Variants in TRMT9B observed in about 807,000 individuals in gnomAD.
TRMT9B encodes the protein tRNA methyltransferase 9B (putative).
TRMT9B carries 16 observed loss-of-function variants against 11.5 expected under a neutral mutation model. That is an observed-to-expected ratio of 1.39 (90% CI 0.94 to 2.11). The LOEUF is 2.11. Among genes scored for constraint, TRMT9B ranks in the 30% most tolerant of loss-of-function variants. The probability of loss-of-function intolerance (pLI) is 0.00; values close to 1 mark genes in which losing one functional copy is unlikely to be tolerated. For missense variants in TRMT9B, 941 were observed against 553.8 expected, an observed-to-expected ratio of 1.70 and a Z score of -7.02; for synonymous variants, 274 against 192.4, an observed-to-expected ratio of 1.42 and a Z score of -3.51.
intron 1 of TRMT9B, among the ~76,000 whole-genome samples, chr8:12,990,411 C>A (rs112553632): frequency 0.034 from 5,165 of 152,088 alleles, 126 homozygotes; most frequent in Non-Finnish European, 0.052. Flanking sequence ...TGAATAACTA[C>A]GAGTACTTAT....
intron 4 of TRMT9B, among the ~76,000 whole-genome samples, chr8:13,017,474 C>T (rs1812939033): frequency 6.6e-6 from 1 of 152,162 alleles, no homozygotes; most frequent in Admixed American, 6.6e-5. Context: ...AAAAATTCAA[C>T]ATAGTTTCCA....
intron 1 of TRMT9B, chr8:12,969,946 A>C (rs1370190853): frequency 6.6e-6 from 1 of 151,674 alleles, no homozygotes; most frequent in South Asian, 2.1e-4. Flanking sequence ...AGCTTCCCAA[A>C]ATGCTGGAAT....
intron 1 of TRMT9B, among the ~76,000 whole-genome samples, chr8:12,946,330 A>G (rs924087845): frequency 2.0e-5 from 3 of 152,196 alleles, no homozygotes; most frequent in Non-Finnish European, 4.4e-5. Context: ...AAGTAATGGG[A>G]CATAAAGAAC....
intron 2 of TRMT9B, among the ~76,000 whole-genome samples, chr8:12,996,905 C>A (rs1396718831): frequency 6.6e-6 from 1 of 151,798 alleles, no homozygotes; most frequent in African/African-American, 2.4e-5. Flanking sequence ...CTTCTAATGG[C>A]CCACATTTGT....
At position 13,021,825 on chromosome 8, in the gene TRMT9B, T is replaced by C. The variant is rs608909; in HGVS notation, c.1146T>C (p.Val382=). 1,247,710 of 1,613,276 alleles carry C rather than the reference T, an allele frequency of 0.77. 484,713 individuals are homozygous for C. The highest frequency in any genetic ancestry group is 0.8 in the Middle Eastern group (4,832 of 6,062). The part of the protein sequence containing the change: ...ASKILRRISA[V]DSTDFNPDDT... ...AAATATTGAGAAGGATTTCTGCAGTTGATTCCACAGATTTCAACCCAGATG... is the reference window on the plus strand; with the variant it reads ...AAATATTGAGAAGGATTTCTGCAGTCGATTCCACAGATTTCAACCCAGATG... The change falls in exon 5 of 5, where the codon GTT becomes GTC. Residue 382 remains valine (V), a synonymous_variant. Transcript: ENST00000524591.
rs943894069 is a variant in TRMT9B, at chr8:13,015,528, A to AT, written c.328+2679dup. Among the ~76,000 whole-genome samples, 18 of 150,850 alleles carry AT rather than the reference A, an allele frequency of 1.2e-4. No homozygotes were observed. The East Asian group carries it at 2.4e-3, about 20-fold the overall frequency. ...CACCATGCCTGGCTAATTTTTTCTA[A>AT]TTTTTTTTGTAGAGATGGGGTTGCC... On this transcript the variant is annotated intron_variant, in intron 4 of 4. Transcript: ENST00000524591.
chr8:12,976,413 C>A (rs561859276), intron 1 of TRMT9B, among the ~76,000 whole-genome samples: 1 of 150,668 alleles, frequency 6.6e-6, no homozygotes, highest in Non-Finnish European at 1.5e-5. Context: ...TCAGCAGCAA[C>A]GTTGTGTGAG....
chr8:13,000,143 T>C (rs1364419955), intron 2 of TRMT9B, among the ~76,000 whole-genome samples: 3 of 152,202 alleles, frequency 2.0e-5, no homozygotes, highest in African/African-American at 7.2e-5. Context: ...ACAAGGAACA[T>C]TTCATTGCAG....
intron 1 of TRMT9B, chr8:12,952,833 G>C (rs1314258358): frequency 4.6e-6 from 1 of 216,012 alleles, no homozygotes; most frequent in Non-Finnish European, 7.9e-6. Flanking sequence ...TCCGCCTCCC[G>C]GGTTCAAGCA....
intron 1 of TRMT9B, among the ~76,000 whole-genome samples, chr8:12,986,635 A>G (rs1473869674): frequency 6.6e-6 from 1 of 152,180 alleles, no homozygotes; most frequent in Non-Finnish European, 1.5e-5. Flanking sequence ...GAGTTTATAT[A>G]TGGCCATTAC....
At chr8:13,019,669 G>T (rs1813441249) in intron 4 of TRMT9B, among the ~76,000 whole-genome samples, 1 of 152,164 alleles carries the variant, frequency 6.6e-6, no homozygotes, top group African/African-American at 2.4e-5. Flanking sequence ...TCTCAGTCCT[G>T]ACTGCTATAC....
At position 13,027,912 on chromosome 8, in the gene TRMT9B, A is replaced by G. The variant is rs1027012236; in HGVS notation, c.*5868A>G. 1.8e-5 allele frequency: 3 copies of G among 167,114 alleles called. No homozygotes were observed. The South Asian group carries it at 6.2e-4, about 35-fold the overall frequency. 10.4% of individuals were successfully genotyped at this position (167,114 alleles called of 1,614,324 possible). ...TTGATTATTTAATGATTGTTTTGAT[A>G]GTATAAACTCCATATCTGCAACCTC... On this transcript the variant is annotated 3_prime_UTR_variant, in exon 5 of 5. Coordinates refer to ENST00000524591, the MANE Select transcript of TRMT9B (RefSeq NM_020844.3).
intron 2 of TRMT9B, among the ~76,000 whole-genome samples, chr8:12,992,938 A>T (rs1378356628): frequency 6.6e-6 from 1 of 152,202 alleles, no homozygotes; most frequent in Non-Finnish European, 1.5e-5. Context: ...TAAATTCTTT[A>T]TGCAGGAGGA....
chr8:13,010,470 G>C (rs1585354815), intron 3 of TRMT9B: 1 of 985,096 alleles, frequency 1.0e-6, no homozygotes, highest in African/African-American at 1.7e-5. Context: ...TCAGCTGTTT[G>C]ATGAATAGAC....
intron 1 of TRMT9B, among the ~76,000 whole-genome samples, chr8:12,976,811 G>A (rs11203996): frequency 0.53 from 80,373 of 151,888 alleles, 22,204 homozygotes; most frequent in East Asian, 0.73. Flanking sequence ...TCCAGAACTT[G>A]GCATGACTTT....
intron 1 of TRMT9B, among the ~76,000 whole-genome samples, chr8:12,946,170 A>T (rs796338155): frequency 7.9e-5 from 12 of 152,338 alleles, no homozygotes; most frequent in African/African-American, 2.9e-4. Flanking sequence ...TGATAAATGT[A>T]AGAAGCATCT....
chr8:12,956,656 G>C (rs1801355163), intron 1 of TRMT9B, among the ~76,000 whole-genome samples: 1 of 152,134 alleles, frequency 6.6e-6, no homozygotes, highest in Admixed American at 6.5e-5. Context: ...ATAGCACCTG[G>C]CTTGTTAGTT....
chr8:12,946,247 T>G (rs1282296703), intron 1 of TRMT9B, among the ~76,000 whole-genome samples: 1 of 152,186 alleles, frequency 6.6e-6, no homozygotes, highest in Non-Finnish European at 1.5e-5. Flanking sequence ...TGTCTGGAAT[T>G]ATCTTTTATG....
chr8:12,989,241 T>C (rs1806891872), intron 1 of TRMT9B, among the ~76,000 whole-genome samples: 1 of 152,098 alleles, frequency 6.6e-6, no homozygotes, highest in South Asian at 2.1e-4. Flanking sequence ...GAAGAAGAAA[T>C]GTGTTTCTTT....
Sources: allele counts gnomAD v4.1 joint callset (sites outside exome capture counted in the v4.1 genomes callset), GRCh38; gene constraint gnomAD v4.1.1; transcripts MANE v1.5; gene names NCBI Gene and HGNC (gene_info 2026-07-23, HGNC 2026-07-21).